ACAD11: variants seen among roughly 807,000 people sequenced by gnomAD.
ACAD11 encodes acyl-Coenzyme A dehydrogenase family, member 11.
A neutral mutation model predicts 102.2 loss-of-function variants in ACAD11; 83 were observed. The observed-to-expected ratio is 0.81, with a 90% confidence interval of 0.68 to 0.97. The LOEUF (loss-of-function observed/expected upper bound fraction) is 0.97, where lower values mean the gene tolerates loss of function less well. ACAD11 is among the 50% of genes least tolerant of loss of function. The pLI is 0.00. For synonymous variants in ACAD11, 324 were observed against 319.8 expected (o/e 1.01, Z -0.14); for missense variants, 901 against 951.7 (o/e 0.95, Z 0.70).
intron 3 of ACAD11, 142 bp downstream of exon 3, chr3:132,642,535 T>C (rs1413782319): frequency 2.0e-6 from 2 of 988,880 alleles, no homozygotes; most frequent in Non-Finnish European, 2.9e-6. Context: ...TTGAACAAAA[T>C]TGTAAACCTT....
intron 13 of ACAD11, among the ~76,000 whole-genome samples, chr3:132,583,778 T>A (rs1298336717): frequency 6.6e-6 from 1 of 152,204 alleles, no homozygotes; most frequent in East Asian, 1.9e-4. Context: ...TCAAAGAACA[T>A]CTTTATTTCT....
chr3:132,611,029 T>C (rs555042172), intron 11 of ACAD11, among the ~76,000 whole-genome samples: 26 of 152,206 alleles, frequency 1.7e-4, no homozygotes, highest in African/African-American at 6.0e-4. Flanking sequence ...TCCACCATGA[T>C]CAAGTGGGCT....
intron 9 of ACAD11, among the ~76,000 whole-genome samples, chr3:132,624,004 C>T (rs1284353566): frequency 2.0e-5 from 3 of 150,256 alleles, no homozygotes; most frequent in Non-Finnish European, 4.4e-5. Flanking sequence ...CCCCCACCAC[C>T]CTCCCCCACC....
chr3:132,579,120 C>T (rs975077502), intron 14 of ACAD11: 7 of 1,354,016 alleles, frequency 5.2e-6, no homozygotes, highest in Non-Finnish European at 6.9e-6. Context: ...CACTGCTCAA[C>T]AATGGTAACT....
At chr3:132,612,618 T>A (rs1939206749) in intron 11 of ACAD11, among the ~76,000 whole-genome samples, 2 of 152,084 alleles carry the variant, frequency 1.3e-5, no homozygotes, top group Non-Finnish European at 2.9e-5. Context: ...AAAAAACACA[T>A]GAAAAAGCAC....
intron 8 of ACAD11, 25 bp downstream of exon 8, chr3:132,628,315 T>A: frequency 1.9e-6 from 3 of 1,558,598 alleles, no homozygotes; most frequent in Non-Finnish European, 2.6e-6. Context: ...TAATTTGAGT[T>A]AGCCAAGGAA....
chr3:132,583,884 T>C (rs1054757395), intron 13 of ACAD11, among the ~76,000 whole-genome samples: 1 of 152,182 alleles, frequency 6.6e-6, no homozygotes, highest in Non-Finnish European at 1.5e-5. Context: ...TAATCCTGAG[T>C]TCTAGCTTGA....
intron 13 of ACAD11, among the ~76,000 whole-genome samples, chr3:132,586,701 A>C (rs1937850539): frequency 6.6e-6 from 1 of 152,214 alleles, no homozygotes; most frequent in South Asian, 2.1e-4. Context: ...TATTATACTG[A>C]AAATAAATTT....
intron 13 of ACAD11, chr3:132,600,868 C>A (rs1196869665): frequency 6.2e-7 from 1 of 1,613,942 alleles, no homozygotes; most frequent in Admixed American, 1.7e-5. Flanking sequence ...GCTGGATCAT[C>A]TGTTTCTGTG....
chr3:132,592,469 A>T (rs1938119471), intron 13 of ACAD11, among the ~76,000 whole-genome samples: 1 of 152,172 alleles, frequency 6.6e-6, no homozygotes, highest in Admixed American at 6.5e-5. Flanking sequence ...TGCCAGGATT[A>T]AGTCAGGCTA....
chr3:132,600,308 G>A, intron 13 of ACAD11: 1 of 1,245,012 alleles, frequency 8.0e-7, no homozygotes. Context: ...TCTAGGGAAA[G>A]AACAAAACAG....
At chr3:132,594,582 A>C (rs1938217848) in intron 13 of ACAD11, among the ~76,000 whole-genome samples, 1 of 152,226 alleles carries the variant, frequency 6.6e-6, no homozygotes, top group Non-Finnish European at 1.5e-5. Context: ...TAGCTATGGA[A>C]GATAGAAAAT....
intron 13 of ACAD11, among the ~76,000 whole-genome samples, chr3:132,585,236 A>G (rs1937759053): frequency 6.6e-6 from 1 of 152,242 alleles, no homozygotes; most frequent in Admixed American, 6.5e-5. Flanking sequence ...AAAAACAAGA[A>G]ATGGGGAAAG....
intron 13 of ACAD11, among the ~76,000 whole-genome samples, chr3:132,589,198 C>T (rs954883662): frequency 6.6e-6 from 1 of 152,134 alleles, no homozygotes; most frequent in African/African-American, 2.4e-5. Context: ...ATGAGAAATA[C>T]ATTTTTGTTG....
At chr3:132,614,307 G>A (rs1287553547) in intron 11 of ACAD11, among the ~76,000 whole-genome samples, 1 of 151,976 alleles carries the variant, frequency 6.6e-6, no homozygotes, top group Non-Finnish European at 1.5e-5. Flanking sequence ...TTTCTTCACA[G>A]AATTAGAAAA....
intron 9 of ACAD11, among the ~76,000 whole-genome samples, chr3:132,624,939 C>T (rs767437515): frequency 3.3e-4 from 50 of 152,122 alleles, no homozygotes; most frequent in Admixed American, 1.6e-3. Flanking sequence ...CCAACCTCGC[C>T]CTCCCACAGT....
intron 7 of ACAD11, among the ~76,000 whole-genome samples, chr3:132,628,692 C>T (rs1248571113): frequency 6.6e-6 from 1 of 152,166 alleles, no homozygotes; most frequent in African/African-American, 2.4e-5. Flanking sequence ...ATCAAACTTG[C>T]AAATGATCTC....
At chr3:132,644,480 ATATC>A (rs1227361629) in intron 2 of ACAD11, among the ~76,000 whole-genome samples, 3 of 152,184 alleles carry the variant, frequency 2.0e-5, no homozygotes, top group African/African-American at 7.2e-5. Flanking sequence ...ACAAAACAAA[ATATC>A]TACAGATGAG....
intron 3 of ACAD11, 38 bp from the exon 4 acceptor site, chr3:132,642,171 T>A (rs1459239249): frequency 6.5e-7 from 1 of 1,543,146 alleles, no homozygotes; most frequent in South Asian, 1.2e-5. Context: ...TAAATGTGTA[T>A]AATCAATACT....
Sources: gnomAD v4.1 joint callset for allele counts (sites outside exome capture counted in the v4.1 genomes callset) on GRCh38, gnomAD v4.1.1 for gene constraint, MANE v1.5 for transcripts, NCBI Gene and HGNC (gene_info 2026-07-23, HGNC 2026-07-21) for gene names.